GLP1R: variants seen among roughly 807,000 people sequenced by gnomAD.
The protein encoded by GLP1R is glucagon like peptide 1 receptor, also known as glucagon-like peptide 1 receptor.
A neutral mutation model predicts 68.4 loss-of-function variants in GLP1R; 32 were observed. The ratio of observed to expected loss-of-function variants is 0.47; its 90% CI spans 0.35 to 0.63. The LOEUF is 0.63. Among genes scored for constraint, GLP1R ranks in the 20% least tolerant of loss-of-function variants. The pLI is 0.00. For synonymous variants in GLP1R, 263 were observed against 244.4 expected, an observed-to-expected ratio of 1.08 and a Z score of -0.71; for missense variants, 502 against 594.9, an observed-to-expected ratio of 0.84 and a Z score of 1.62.
At chr6:39,055,118 G>A (rs942442595) in intron 1 of GLP1R, among the ~76,000 whole-genome samples, 1 of 152,184 alleles carries the variant, frequency 6.6e-6, no homozygotes, top group Non-Finnish European at 1.5e-5. Flanking sequence ...AGGCAGCAAG[G>A]GGTGAGCAAG....
intron 1 of GLP1R, among the ~76,000 whole-genome samples, chr6:39,051,879 G>T (rs938355759): frequency 2.7e-4 from 39 of 143,372 alleles, no homozygotes; most frequent in Non-Finnish European, 5.1e-4. Context: ...CTGTGGGAGG[G>T]TCTGTGTGTG....
chr6:39,064,040 C>T (rs1452553519), intron 3 of GLP1R, among the ~76,000 whole-genome samples: 4 of 142,288 alleles, frequency 2.8e-5, no homozygotes, highest in East Asian at 4.1e-4. Flanking sequence ...CTCACTCTGT[C>T]GCCTAGGCTG....
chr6:39,087,469 T>TGGC lies in GLP1R; in HGVS notation c.*1397_*1399dup, dbSNP rs1389146609. 1.3e-5 allele frequency: 2 copies of TGGC among 152,182 alleles called. No homozygotes were observed. Among genetic ancestry groups the TGGC allele is most frequent in the Non-Finnish European group, 2.9e-5 (2 of 68,056 alleles). 9.4% of individuals were successfully genotyped at this position (152,182 alleles called of 1,614,324 possible). ...GCAGCACTGCAGATAGCCAGACACA[T>TGGC]GGCTATCCTAGAGAGGCTGGCAAGG... On this transcript the variant is annotated 3_prime_UTR_variant, in exon 13 of 13. Transcript: ENST00000373256.
At chr6:39,085,831 A>C in intron 12 of GLP1R, 75 bp from the exon 13 acceptor site, 1 of 1,362,884 alleles carries the variant, frequency 7.3e-7, no homozygotes, top group Non-Finnish European at 1.0e-6. Context: ...CTTCCCCACT[A>C]ATGTAATAGT....
At position 39,049,694 on chromosome 6, in the gene GLP1R, T is replaced by C. The variant is rs1449852427; in HGVS notation, c.78+776T>C. On this transcript the variant is annotated intron_variant, in intron 1 of 12. Coordinates refer to ENST00000373256, the MANE Select transcript of GLP1R (RefSeq NM_002062.5). The surrounding 1 kb of genome is among the most constrained non-coding windows in gnomAD (Gnocchi z 4.5). ...GCATACTGGGACACGCAAGAACACC[T>C]GGGCTCCTTGGTGCCACCAGAGAGC... Among the ~76,000 whole-genome samples the C allele has an allele frequency of 6.6e-6, 1 of 152,150 alleles. No individual in the cohort carries two copies. Among genetic ancestry groups the C allele is most frequent in the Non-Finnish European group, 1.5e-5 (1 of 68,020 alleles).
chr6:39,086,896 T>A lies in GLP1R; in HGVS notation c.*823T>A, dbSNP rs1769164426. ...ACGCTCAAGAATCCTCTGGGGTTCA[T>A]CTAGGGACACGTTAGGAATGTCCAG... On this transcript the variant is annotated 3_prime_UTR_variant, in exon 13 of 13. Transcript: ENST00000373256. This position sits in a 1 kb window ranked among gnomAD's most constrained non-coding sequence, Gnocchi z 4.5. 6.6e-6 allele frequency: 1 copy of A among 152,602 alleles called. No homozygotes were observed. Among genetic ancestry groups the A allele is most frequent in the African/African-American group, 2.4e-5 (1 of 41,424 alleles). 9.5% of individuals were successfully genotyped at this position (152,602 alleles called of 1,614,324 possible). A position where few individuals can be genotyped will look rare whatever the true frequency, so the allele number is the denominator to read the frequency against.
chr6:39,085,213 T>A (rs1769112857), intron 12 of GLP1R, among the ~76,000 whole-genome samples: 3 of 152,128 alleles, frequency 2.0e-5, no homozygotes, highest in African/African-American at 7.2e-5. Context: ...GCATCAGCCC[T>A]CCTGAGAGGC....
intron 12 of GLP1R, among the ~76,000 whole-genome samples, chr6:39,081,752 C>A (rs867036296): frequency 6.6e-6 from 1 of 152,208 alleles, no homozygotes; most frequent in Non-Finnish European, 1.5e-5. Context: ...AGGATGCAGG[C>A]TTTGGCATCT....
At position 39,057,703 on chromosome 6, in the gene GLP1R, C is replaced by A. The variant is rs1050322987; in HGVS notation, c.283+124C>A. ...TCCCCGACCTGATACCTGCCCTGGG[C>A]CAGCAGTGGTGAGCCCCCTCCCTGA... On this transcript the variant is annotated intron_variant, in intron 3 of 12. Transcript: ENST00000373256. The A allele has an allele frequency of 5.1e-6, 3 of 582,950 alleles. No individual in the cohort carries two copies. The African/African-American group carries it at 5.9e-5, about 11-fold the overall frequency. The allele number at this position is 582,950 out of a possible 1,614,324, so 36.1% of individuals were successfully genotyped here.
At chr6:39,072,707 A>C (rs1230240543) in intron 5 of GLP1R, among the ~76,000 whole-genome samples, 155 bp from the exon 6 acceptor site, 1 of 152,202 alleles carries the variant, frequency 6.6e-6, no homozygotes, top group African/African-American at 2.4e-5. Flanking sequence ...AAGGATTTTC[A>C]CGATGATGAG....
chr6:39,074,557 A>G (rs1263420334), intron 7 of GLP1R, among the ~76,000 whole-genome samples: 1 of 152,088 alleles, frequency 6.6e-6, no homozygotes, highest in East Asian at 1.9e-4. Flanking sequence ...CATTGAATCC[A>G]TGAGTTTTCC....
At chr6:39,065,347 T>A (rs1768473084) in intron 3 of GLP1R, among the ~76,000 whole-genome samples, 1 of 152,114 alleles carries the variant, frequency 6.6e-6, no homozygotes. Flanking sequence ...GTCAGTAGTG[T>A]GATTTGAGGC....
intron 3 of GLP1R, among the ~76,000 whole-genome samples, chr6:39,063,997 GTTC>G (rs1343420258): frequency 7.6e-6 from 1 of 131,448 alleles, no homozygotes; most frequent in East Asian, 2.2e-4. Context: ...AGGAGACTCA[GTTC>G]TTTTTTTTTT....
chr6:39,082,046 G>A (rs925941221), intron 12 of GLP1R, among the ~76,000 whole-genome samples: 3 of 152,192 alleles, frequency 2.0e-5, no homozygotes, highest in African/African-American at 7.2e-5. Flanking sequence ...TCAGTATTCA[G>A]TGATTCCCAG....
intron 5 of GLP1R, 44 bp from the exon 6 acceptor site, chr6:39,072,818 C>T (rs1768710596): frequency 6.3e-7 from 1 of 1,583,784 alleles, no homozygotes; most frequent in Non-Finnish European, 8.6e-7. Flanking sequence ...TAGAGCAGAA[C>T]TGTTGGCTGC....
intron 3 of GLP1R, among the ~76,000 whole-genome samples, chr6:39,059,767 G>T (rs896756627): frequency 1.4e-4 from 22 of 152,088 alleles, no homozygotes; most frequent in African/African-American, 5.3e-4. Context: ...GCGTCTGCTG[G>T]GCCTCTAGAC....
intron 12 of GLP1R, among the ~76,000 whole-genome samples, chr6:39,082,293 A>G (rs926046792): frequency 3.3e-5 from 5 of 152,228 alleles, no homozygotes; most frequent in African/African-American, 9.6e-5. Flanking sequence ...TGTGCAGCAG[A>G]TGGTATCCCC....
chr6:39,079,514 G>A lies in GLP1R; in HGVS notation c.1044-50G>A, dbSNP rs375656380. ...GGGAGGGTAGAGAAAGGGAAGAAGA[G>A]TCCATGGGAGAGGTCCAGAATGACT... is the stretch of plus-strand genomic sequence containing the variant. On this transcript the variant is annotated intron_variant, in intron 10 of 12. Transcript: ENST00000373256. The surrounding 1 kb of genome is among the most constrained non-coding windows in gnomAD (Gnocchi z 4.5). 2.0e-6 allele frequency: 3 copies of A among 1,525,364 alleles called. No individual in the cohort carries two copies. Among genetic ancestry groups the A allele is most frequent in the Non-Finnish European group, 2.6e-6 (3 of 1,134,928 alleles). The allele number at this position is 1,525,364 out of a possible 1,614,324, so 94.5% of individuals were successfully genotyped here.
At chr6:39,073,905 G>T (rs978378816) in intron 7 of GLP1R, 136 bp downstream of exon 7, 31 of 724,628 alleles carry the variant, frequency 4.3e-5, no homozygotes, top group Non-Finnish European at 7.0e-6. Flanking sequence ...CTGGGCACAG[G>T]ACCTTCTGCC....
Sources: gnomAD v4.1 joint callset for allele counts (sites outside exome capture counted in the v4.1 genomes callset) on GRCh38, gnomAD v4.1.1 for gene constraint, Gnocchi (gnomAD v3.1) non-coding constraint, MANE v1.5 for transcripts, NCBI Gene and HGNC (gene_info 2026-07-23, HGNC 2026-07-21) for gene names.